ABCD3: variants seen among roughly 807,000 people sequenced by gnomAD.
ABCD3 encodes the protein ATP-binding cassette sub-family D member 3.
A neutral mutation model predicts 105.5 loss-of-function variants in ABCD3; 41 were observed. The ratio of observed to expected loss-of-function variants is 0.39; its 90% CI spans 0.30 to 0.50. The LOEUF (loss-of-function observed/expected upper bound fraction) is 0.50, where lower values mean the gene tolerates loss of function less well. ABCD3 is among the 20% of genes least tolerant of loss of function. The pLI, the probability that ABCD3 is intolerant of heterozygous loss-of-function variation, is 0.84. For synonymous variants in ABCD3, 258 were observed against 269.0 expected (o/e 0.96, Z 0.40); for missense variants, 622 against 806.3 (o/e 0.77, Z 2.77).
intron 16 of ABCD3, among the ~76,000 whole-genome samples, chr1:94,494,271 T>C (rs1196243344): frequency 6.6e-6 from 1 of 152,154 alleles, no homozygotes; most frequent in Non-Finnish European, 1.5e-5. Context: ...CCCACTTATG[T>C]CCTTACTTGT....
At chr1:94,393,625 T>C in the ABCD3 span, among the ~76,000 whole-genome samples, 2 of 151,400 alleles carry the variant, frequency 1.3e-5, no homozygotes, top group South Asian at 4.2e-4. Context: ...GGCAACAGAG[T>C]GAGACTCTGT....
At chr1:94,515,089 C>G (rs1650858277) in intron 21 of ABCD3, 57 bp from the exon 22 acceptor site, 2 of 1,297,476 alleles carry the variant, frequency 1.5e-6, no homozygotes, top group Non-Finnish European at 2.2e-6. Context: ...AGTACATGGA[C>G]TAGTTTAATT....
At chr1:94,479,663 A>G (rs1648943856) in intron 8 of ABCD3, among the ~76,000 whole-genome samples, 2 of 152,160 alleles carry the variant, frequency 1.3e-5, no homozygotes. Context: ...TTGGGGAGGT[A>G]AGTAAACATC....
rs1393370583 is a variant in ABCD3, at chr1:94,467,963, A to G, written c.291A>G (p.Thr97=). 8 of 1,613,498 alleles carry G rather than the reference A, an allele frequency of 5.0e-6. No individual in the cohort carries two copies. The African/African-American group carries it at 5.3e-5, about 11-fold the overall frequency. ...VLIAVMLVSR[T]YCDVWMIQNG... is the part of the protein sequence containing the mutation. ...TTGCTGTTATGCTGGTGTCTCGAAC[A>G]TATTGTGATGTTTGGATGATTCAAA... Residue 97 remains threonine, a synonymous_variant, in exon 4 of 23, where the codon ACA becomes ACG. Transcript: ENST00000370214.
chr1:94,499,597 G>A lies in ABCD3; in HGVS notation c.1723G>A (p.Glu575Lys). The change falls in exon 20 of 23, where the codon GAA (glutamate) becomes AAA (lysine). Residue 575 changes from glutamate (E) to lysine (K), a missense_variant. By Grantham distance (56) the Glu-to-Lys change is moderately conservative. Transcript: ENST00000370214. ...TTGGATGGACGTACTCAGTGGTGGA[G>A]AAAAGCAAAGAATGGCGGTAAGTAT... is the stretch of plus-strand genomic sequence containing the variant. ...QDWMDVLSGG[E>K]KQRMAMARLF... The A allele has an allele frequency of 6.2e-7, 1 of 1,613,702 alleles. No individual in the cohort carries two copies. Among genetic ancestry groups the A allele is most frequent in the Non-Finnish European group, 8.5e-7 (1 of 1,179,756 alleles).
At chr1:94,397,601 T>C in the ABCD3 span, among the ~76,000 whole-genome samples, 1 of 152,218 alleles carries the variant, frequency 6.6e-6, no homozygotes, top group Non-Finnish European at 1.5e-5. Context: ...GATATCAACA[T>C]GTGCTCATCA....
chr1:94,415,773 G>A (rs951936217), upstream of ABCD3, among the ~76,000 whole-genome samples: 4 of 152,112 alleles, frequency 2.6e-5, no homozygotes, highest in African/African-American at 7.2e-5. Flanking sequence ...ATTTGCTTTA[G>A]GCCTATCAAG....
chr1:94,487,182 T>C (rs1361761752), intron 10 of ABCD3, among the ~76,000 whole-genome samples: 1 of 152,214 alleles, frequency 6.6e-6, no homozygotes, highest in Non-Finnish European at 1.5e-5. Flanking sequence ...AACTAGTTAA[T>C]CTCTGTTCTT....
the ABCD3 span, among the ~76,000 whole-genome samples, chr1:94,398,607 A>C: frequency 1.3e-5 from 2 of 152,094 alleles, no homozygotes. Flanking sequence ...TGGTAGCCTG[A>C]TATATTTTTT....
upstream of ABCD3, among the ~76,000 whole-genome samples, chr1:94,415,759 T>A (rs1343675721): frequency 6.6e-6 from 1 of 152,258 alleles, no homozygotes; most frequent in East Asian, 1.9e-4. Flanking sequence ...TACATACAGA[T>A]CTGATTTGCT....
intron 1 of ABCD3, among the ~76,000 whole-genome samples, chr1:94,448,478 GCTT>G (rs1318146274): frequency 6.6e-6 from 1 of 152,214 alleles, no homozygotes; most frequent in Non-Finnish European, 1.5e-5. Flanking sequence ...TAACGGTAAA[GCTT>G]CTTATTTTGG....
chr1:94,420,116 A>G (rs781770120), intron 1 of ABCD3, among the ~76,000 whole-genome samples: 8 of 152,186 alleles, frequency 5.3e-5, no homozygotes, highest in Non-Finnish European at 8.8e-5. Flanking sequence ...GATTATATGT[A>G]TATGTGATAT....
chr1:94,432,863 T>TC lies in ABCD3; in HGVS notation c.110+14275_110+14276insC, dbSNP rs543187130. Among the ~76,000 whole-genome samples the TC allele has an allele frequency of 3.0e-3, 455 of 151,618 alleles. 1 individual carries two copies. The highest frequency in any genetic ancestry group is 5.1e-3 in the Non-Finnish European group (349 of 67,866). On this transcript the variant is annotated intron_variant, in intron 1 of 22. Transcript: ENST00000370214. ...GCACTGTTAGGCAAATTTTTTTTCT[T>TC]TTTTTTTTTGAGACGGAGTCTCACT... is the stretch of plus-strand genomic sequence containing the variant.
intron 1 of ABCD3, among the ~76,000 whole-genome samples, chr1:94,420,045 G>C (rs1205844216): frequency 6.6e-6 from 1 of 152,184 alleles, no homozygotes; most frequent in Non-Finnish European, 1.5e-5. Context: ...GCATAGAACA[G>C]GTGTTTTAAT....
In ABCD3 at chr1:94,515,240, T is replaced by A. The variant is rs200329758; in HGVS notation, c.1902+38T>A. ...TTCATTGAATGGTACAGTGAAATTT[T>A]ATTTTCTTTAAAATATGAATTCAGG... On this transcript the variant is annotated intron_variant, in intron 22 of 22. Coordinates refer to ENST00000370214, the MANE Select transcript of ABCD3 (RefSeq NM_002858.4). 43 of 1,504,222 alleles carry A rather than the reference T, an allele frequency of 2.9e-5. No individual in the cohort carries two copies. In the East Asian group the frequency reaches 9.3e-4, roughly 32 times the overall value. 93.2% of individuals were successfully genotyped at this position (1,504,222 alleles called of 1,614,324 possible).
intron 20 of ABCD3, among the ~76,000 whole-genome samples, chr1:94,503,224 G>T (rs569629719): frequency 1.3e-5 from 2 of 152,248 alleles, no homozygotes; most frequent in South Asian, 2.1e-4. Context: ...TAGTGGGAGC[G>T]AGAGAGACAC....
chr1:94,426,000 G>A (rs909909788), intron 1 of ABCD3, among the ~76,000 whole-genome samples: 3 of 152,140 alleles, frequency 2.0e-5, no homozygotes, highest in African/African-American at 7.2e-5. Flanking sequence ...AGTTAAGTGA[G>A]GATTAATGGA....
At chr1:94,392,990 T>C in the ABCD3 span, among the ~76,000 whole-genome samples, 2 of 151,966 alleles carry the variant, frequency 1.3e-5, no homozygotes, top group Admixed American at 1.3e-4. Context: ...CGCGCACCTG[T>C]AATCCCAGCT....
intron 16 of ABCD3, among the ~76,000 whole-genome samples, chr1:94,496,205 A>G (rs1649790848): frequency 6.6e-6 from 1 of 152,094 alleles, no homozygotes; most frequent in African/African-American, 2.4e-5. Flanking sequence ...CTTTTCCATC[A>G]TCCCAAATAG....
Sources: allele counts gnomAD v4.1 joint callset (sites outside exome capture counted in the v4.1 genomes callset), GRCh38; gene constraint gnomAD v4.1.1; transcripts MANE v1.5; gene names NCBI Gene and HGNC (gene_info 2026-07-23, HGNC 2026-07-21).